The following RNF175 variants were observed in gnomAD, a reference collection of about 807,000 sequenced individuals.
RNF175 encodes the protein ring finger protein 175.
A neutral mutation model predicts 50.0 loss-of-function variants in RNF175; 38 were observed. The ratio of observed to expected loss-of-function variants is 0.76; its 90% CI spans 0.59 to 1.00. The LOEUF is 1.00. RNF175 is among the 50% of genes least tolerant of loss of function. The probability of loss-of-function intolerance (pLI) is 0.00; values close to 1 mark genes in which losing one functional copy is unlikely to be tolerated. For synonymous variants in RNF175, 155 were observed against 146.1 expected (o/e 1.06, Z -0.44); for missense variants, 388 against 409.6 (o/e 0.95, Z 0.46).
chr4:153,749,899 AAAAT>A (rs1200728248), intron 2 of RNF175, among the ~76,000 whole-genome samples: 1 of 152,206 alleles, frequency 6.6e-6, no homozygotes, highest in Non-Finnish European at 1.5e-5. Context: ...GAACTGTGAG[AAAAT>A]AAATTTCTGA....
chr4:153,718,541 G>T (rs1369440973), intron 6 of RNF175, among the ~76,000 whole-genome samples: 2 of 152,078 alleles, frequency 1.3e-5, no homozygotes, highest in African/African-American at 4.8e-5. Flanking sequence ...TTTCCCAAAA[G>T]CTGGTGCTTA....
intron 3 of RNF175, among the ~76,000 whole-genome samples, chr4:153,744,595 T>C (rs1342007849): frequency 1.3e-5 from 2 of 152,186 alleles, no homozygotes; most frequent in Admixed American, 1.3e-4. Flanking sequence ...TTAGAGATAA[T>C]GATTAATTTT....
chr4:153,728,217 T>C lies in RNF175; in HGVS notation c.391A>G (p.Arg131Gly). 6.2e-7 allele frequency: 1 copy of C among 1,613,134 alleles called. No homozygotes were observed. The change falls in exon 4 of 9, where the codon AGG (arginine) becomes GGG (glycine). Residue 131 changes from arginine to glycine, a missense_variant. By Grantham distance (125) the Arg-to-Gly change is moderately radical (BLOSUM62 -2). Coordinates refer to ENST00000347063, the MANE Select transcript of RNF175 (RefSeq NM_173662.4). ...FRATRKPLSG[R>G]TPRLVYKWFL... ...GTATGGAATACATACCGTGGTGTCCTTCCTGAGAGGGGTTTTCGGGTAGCT... is the reference window on the plus strand; with the variant it reads ...GTATGGAATACATACCGTGGTGTCCCTCCTGAGAGGGGTTTTCGGGTAGCT...
intron 3 of RNF175, chr4:153,729,701 T>A: frequency 1.0e-6 from 1 of 985,284 alleles, no homozygotes; most frequent in African/African-American, 1.7e-5. Context: ...TCCATCCTCA[T>A]AAATGATCTG....
chr4:153,733,596 G>A (rs926810080), intron 3 of RNF175, among the ~76,000 whole-genome samples: 1 of 152,146 alleles, frequency 6.6e-6, no homozygotes, highest in Admixed American at 6.5e-5. Flanking sequence ...CATTTCCAAA[G>A]TTACTTAAAG....
At chr4:153,747,477 T>C (rs1740036365) in intron 3 of RNF175, among the ~76,000 whole-genome samples, 1 of 152,214 alleles carries the variant, frequency 6.6e-6, no homozygotes, top group African/African-American at 2.4e-5. Flanking sequence ...CCAAGTTCTT[T>C]GTGACTTTAT....
chr4:153,758,329 T>A (rs1362494336), intron 1 of RNF175, among the ~76,000 whole-genome samples: 1 of 152,214 alleles, frequency 6.6e-6, no homozygotes, highest in Non-Finnish European at 1.5e-5. Flanking sequence ...TGAGACTGCA[T>A]TTTTAACAGG....
intron 4 of RNF175, among the ~76,000 whole-genome samples, chr4:153,723,934 C>T (rs986132863): frequency 6.6e-6 from 1 of 152,144 alleles, no homozygotes; most frequent in Non-Finnish European, 1.5e-5. Flanking sequence ...TTTCCCCCAG[C>T]CCCAGTGCAG....
In RNF175 at chr4:153,729,571, A is replaced by G. The variant is rs371745244; in HGVS notation, c.247-1210T>C. ...TCTTGGTGATAATAGTCTAAGGTCAATAACCAAAGCTCTTGGACAGGACTT... is the reference window on the plus strand; with the variant it reads ...TCTTGGTGATAATAGTCTAAGGTCAGTAACCAAAGCTCTTGGACAGGACTT... On this transcript the variant is annotated intron_variant, in intron 3 of 8. Transcript: ENST00000347063. The G allele has an allele frequency of 1.1e-4, 71 of 623,338 alleles. No homozygotes were observed. In the African/African-American group the frequency reaches 1.3e-3, roughly 12 times the overall value. The allele number at this position is 623,338 out of a possible 1,614,324, so 38.6% of individuals were successfully genotyped here.
At chr4:153,756,892 C>T (rs992472741) in intron 1 of RNF175, among the ~76,000 whole-genome samples, 1 of 152,210 alleles carries the variant, frequency 6.6e-6, no homozygotes, top group Non-Finnish European at 1.5e-5. Context: ...GGCCAGCATG[C>T]AGGGTGTCCC....
intron 3 of RNF175, among the ~76,000 whole-genome samples, chr4:153,729,347 G>T (rs995272464): frequency 1.3e-5 from 2 of 152,216 alleles, no homozygotes; most frequent in East Asian, 3.8e-4. Context: ...TGGTTCAGTG[G>T]TAGAGTCTTA....
chr4:153,710,292 AAAATT>A lies in RNF175; in HGVS notation c.*72_*76del. On this transcript the variant is annotated 3_prime_UTR_variant, in exon 9 of 9. Coordinates refer to ENST00000347063, the MANE Select transcript of RNF175 (RefSeq NM_173662.4). The stretch of plus-strand genomic sequence containing the variant: ...TTTCTAAACACTTGGGATCATCTCT[AAAATT>A]AAAAAAATTAATATTAAATGTTGGA... The A allele has an allele frequency of 1.6e-6, 2 of 1,217,356 alleles. No individual in the cohort carries two copies. Among genetic ancestry groups the A allele is most frequent in the South Asian group, 3.9e-5 (2 of 51,354 alleles). 75.4% of individuals were successfully genotyped at this position (1,217,356 alleles called of 1,614,324 possible).
chr4:153,754,953 T>C (rs1006856124), intron 1 of RNF175, among the ~76,000 whole-genome samples: 1 of 152,246 alleles, frequency 6.6e-6, no homozygotes, highest in African/African-American at 2.4e-5. Flanking sequence ...TTTGTTGTTA[T>C]GGAGGACCTA....
At chr4:153,729,026 G>A (rs1198040894) in intron 3 of RNF175, among the ~76,000 whole-genome samples, 1 of 152,172 alleles carries the variant, frequency 6.6e-6, no homozygotes, top group Non-Finnish European at 1.5e-5. Context: ...ATTCCCATAG[G>A]TCAGGGAGCA....
At chr4:153,718,222 G>GTGTTTTTTTTTT (rs1688936681) in intron 6 of RNF175, among the ~76,000 whole-genome samples, 1 of 37,540 alleles carries the variant, frequency 2.7e-5, no homozygotes, top group Non-Finnish European at 7.1e-5. Flanking sequence ...TTTTTTGTTT[G>GTGTTTTTTTTTT]TTTGTTTGTT....
chr4:153,746,716 ACT>A (rs1444569934), intron 3 of RNF175, among the ~76,000 whole-genome samples: 2 of 151,658 alleles, frequency 1.3e-5, no homozygotes, highest in African/African-American at 4.8e-5. Flanking sequence ...CCTAGTGAGG[ACT>A]CTCTGCTATG....
chr4:153,727,025 C>A (rs1459428068), intron 4 of RNF175, among the ~76,000 whole-genome samples: 1 of 152,162 alleles, frequency 6.6e-6, no homozygotes, highest in Non-Finnish European at 1.5e-5. Flanking sequence ...AAAGACACTG[C>A]CTTTAGATGG....
At chr4:153,746,182 T>C (rs1739959251) in intron 3 of RNF175, among the ~76,000 whole-genome samples, 1 of 152,180 alleles carries the variant, frequency 6.6e-6, no homozygotes, top group South Asian at 2.1e-4. Flanking sequence ...AGGCAGAGGA[T>C]AGATATTCCC....
Position 153,752,994 on chromosome 4 carries a change from C to T in RNF175, c.67-1519G>A, listed in dbSNP as rs148297074. Among the ~76,000 whole-genome samples the T allele has an allele frequency of 5.9e-3, 894 of 152,122 alleles. 9 individuals carry two copies. The highest frequency in any genetic ancestry group is 0.021 in the African/African-American group (853 of 41,486). Reference sequence around the variant, plus strand: ...ACGGTAAATAAAAAAAGTGCACTTACCTCCTCTCCCTCCCCAAACACCACT... The same window carrying T: ...ACGGTAAATAAAAAAAGTGCACTTATCTCCTCTCCCTCCCCAAACACCACT... On this transcript the variant is annotated intron_variant, in intron 1 of 8. Transcript: ENST00000347063.
Sources: gnomAD v4.1 joint callset for allele counts (sites outside exome capture counted in the v4.1 genomes callset) on GRCh38, gnomAD v4.1.1 for gene constraint, MANE v1.5 for transcripts, NCBI Gene and HGNC (gene_info 2026-07-23, HGNC 2026-07-21) for gene names.